Variants in LASP1 observed in about 807,000 individuals in gnomAD.
LASP1 encodes the protein LIM and SH3 protein 1.
A neutral mutation model predicts 38.6 loss-of-function variants in LASP1; 10 were observed. The observed-to-expected ratio is 0.26, with a 90% confidence interval of 0.16 to 0.44. The LOEUF (loss-of-function observed/expected upper bound fraction) is 0.44, where lower values mean the gene tolerates loss of function less well. Among genes scored for constraint, LASP1 ranks in the 20% least tolerant of loss-of-function variants. The probability of loss-of-function intolerance (pLI) is 1.00; values close to 1 mark genes in which losing one functional copy is unlikely to be tolerated. For synonymous variants in LASP1, 132 were observed against 140.8 expected, an observed-to-expected ratio of 0.94 and a Z score of 0.44; for missense variants, 243 against 375.7, an observed-to-expected ratio of 0.65 and a Z score of 2.92.
chr17:38,895,203 G>A (rs1198153744), intron 3 of LASP1, among the ~76,000 whole-genome samples: 2 of 150,418 alleles, frequency 1.3e-5, no homozygotes, highest in Non-Finnish European at 3.0e-5. Context: ...AAATAGAGAT[G>A]GGGTACTATG....
At position 38,920,259 on chromosome 17, in the gene LASP1, G is replaced by T; in HGVS notation, c.*1481G>T. The T allele has an allele frequency of 2.3e-6, 1 of 435,668 alleles. No individual in the cohort carries two copies. The highest frequency in any genetic ancestry group is 4.0e-5 in the East Asian group (1 of 24,820). The allele number at this position is 435,668 out of a possible 1,614,324, so 27.0% of individuals were successfully genotyped here. A position where few individuals can be genotyped will look rare whatever the true frequency, so the allele number is the denominator to read the frequency against. On this transcript the variant is annotated 3_prime_UTR_variant, in exon 7 of 7. Coordinates refer to ENST00000318008, the MANE Select transcript of LASP1 (RefSeq NM_006148.4). ...GGCTACAGAATAGGGTGGCAGAAGT[G>T]TCACCCTGTGGGTGTCTCCCTCGGG...
At chr17:38,901,061 A>G (rs373263215) in intron 4 of LASP1, among the ~76,000 whole-genome samples, 1 of 152,208 alleles carries the variant, frequency 6.6e-6, no homozygotes, top group Non-Finnish European at 1.5e-5. Flanking sequence ...GCGGCTTTTC[A>G]TGTAGAGGCT....
At chr17:38,897,364 G>A (rs1914517850) in intron 3 of LASP1, among the ~76,000 whole-genome samples, 1 of 152,240 alleles carries the variant, frequency 6.6e-6, no homozygotes, top group Non-Finnish European at 1.5e-5. Context: ...GGAACTGCCT[G>A]GGTTTGTGTC....
In LASP1 at chr17:38,890,343, GGCATGCTCTGTGAGAA is replaced by G. The variant is rs1914272392; in HGVS notation, c.165-74_165-59del. ...AAGCATAGGACGAAGTTCCCAGGAG[GGCATGCTCTGTGAGAA>G]GCCCAGAGGCTCCTGCCCCTCCCCC... is the stretch of plus-strand genomic sequence containing the variant. On this transcript the variant is annotated intron_variant, in intron 2 of 6. Coordinates refer to ENST00000318008, the MANE Select transcript of LASP1 (RefSeq NM_006148.4). The G allele has an allele frequency of 1.7e-5, 23 of 1,367,056 alleles. No individual in the cohort carries two copies. The South Asian group carries it at 2.7e-4, about 16-fold the overall frequency. 84.7% of individuals were successfully genotyped at this position (1,367,056 alleles called of 1,614,324 possible). A position where few individuals can be genotyped will look rare whatever the true frequency, so the allele number is the denominator to read the frequency against.
rs554196398 is a variant in LASP1 at position 38,913,983 on chromosome 17, C to G, written c.358-342C>G. Among the ~76,000 whole-genome samples the G allele has an allele frequency of 2.0e-5, 3 of 147,406 alleles. No homozygotes were observed. The Admixed American group carries it at 2.1e-4, about 10-fold the overall frequency. ...TACCATTGCACTCCAGCCTGGGCGA[C>G]AGAGCCAAACTCCGTCTCGAAAAAA... On this transcript the variant is annotated intron_variant, in intron 4 of 6. Transcript: ENST00000318008.
rs373484019 is a variant in LASP1, at chr17:38,904,627, C to A, written c.357+6108C>A. On this transcript the variant is annotated intron_variant, in intron 4 of 6. Transcript: ENST00000318008. ...AAAAAAAAAAGGAAAAAAGAGAGTA[C>A]TGGATACATTTAGCTACAGAAATGG... is the stretch of plus-strand genomic sequence containing the variant. The A allele has an allele frequency of 2.6e-5, 4 of 151,760 alleles. No individual in the cohort carries two copies. The East Asian group carries it at 5.8e-4, about 22-fold the overall frequency. The allele number at this position is 151,760 out of a possible 1,614,324, so 9.4% of individuals were successfully genotyped here.
chr17:38,897,726 C>T (rs1567700394), intron 3 of LASP1, among the ~76,000 whole-genome samples: 1 of 152,200 alleles, frequency 6.6e-6, no homozygotes, highest in Non-Finnish European at 1.5e-5. Context: ...GCGGTGGCCT[C>T]TGAAGCCATC....
rs148218154 is a variant in LASP1, at chr17:38,886,517, C to T, written c.165-3903C>T. Among the ~76,000 whole-genome samples the T allele has an allele frequency of 1.2e-3, 190 of 152,248 alleles. 4 individuals are homozygous for T. Among genetic ancestry groups the T allele is most frequent in the East Asian group, 8.7e-3 (45 of 5,184 alleles). On this transcript the variant is annotated intron_variant, in intron 2 of 6. Transcript: ENST00000318008. Reference sequence around the variant, plus strand: ...AGCTGAGCTCACATCTGGGCTGGCTCACCCCCACTTCCCTTCTGATGGGAT... The same window carrying T: ...AGCTGAGCTCACATCTGGGCTGGCTTACCCCCACTTCCCTTCTGATGGGAT...
intron 2 of LASP1, among the ~76,000 whole-genome samples, chr17:38,879,577 T>TTC (rs1913881867): frequency 6.6e-6 from 1 of 151,644 alleles, no homozygotes; most frequent in Non-Finnish European, 1.5e-5. Context: ...TTTTTTTTTT[T>TTC]TCTCTTAATT....
chr17:38,914,870 G>C, intron 5 of LASP1, 173 bp from the exon 6 acceptor site: 1 of 643,512 alleles, frequency 1.6e-6, no homozygotes, highest in East Asian at 2.7e-5. Flanking sequence ...GAGCCCCTGC[G>C]TGGGATACAA....
rs59311696 is a variant in LASP1 at position 38,899,482 on chromosome 17, C to A, written c.357+963C>A. 4.2e-3 allele frequency among the ~76,000 whole-genome samples: 635 copies of A among 152,272 alleles called. 6 individuals carry two copies. The highest frequency in any genetic ancestry group is 0.014 in the African/African-American group (601 of 41,554). ...CTTCCTACCCTCCACCTGGCCACCT[C>A]AGCAGGGCGCTCCTTTAAGAGCTTG... is the stretch of plus-strand genomic sequence containing the variant. On this transcript the variant is annotated intron_variant, in intron 4 of 6. Transcript: ENST00000318008.
At chr17:38,907,706 C>G (rs1381071192) in intron 4 of LASP1, among the ~76,000 whole-genome samples, 1 of 152,190 alleles carries the variant, frequency 6.6e-6, no homozygotes, top group Non-Finnish European at 1.5e-5. Context: ...CAGGCAGCTA[C>G]TCCTCCAGCC....
intron 4 of LASP1, among the ~76,000 whole-genome samples, chr17:38,900,197 CAAAAAAAAAA>C (rs56008544): frequency 4.4e-5 from 3 of 67,572 alleles, no homozygotes; most frequent in African/African-American, 1.4e-4. Flanking sequence ...ACTGTTTCTA[CAAAAAAAAAA>C]AAAAAAAAAA....
rs749874153 is a variant in LASP1 at position 38,914,375 on chromosome 17, C to G, written c.408C>G (p.Gly136=). The change falls in exon 5 of 7, where the codon GGC becomes GGG. Residue 136 remains glycine (G), a synonymous_variant. Coordinates refer to ENST00000318008, the MANE Select transcript of LASP1 (RefSeq NM_006148.4). ...AGAGCCGCATGGGCCCTAGCGGGGGCGAGGGCATGGAGCCAGAGCGTCGGG... is the reference window on the plus strand; with the variant it reads ...AGAGCCGCATGGGCCCTAGCGGGGGGGAGGGCATGGAGCCAGAGCGTCGGG... The part of the protein sequence containing the change: ...FEKSRMGPSG[G]EGMEPERRDS... The G allele has an allele frequency of 1.9e-6, 3 of 1,612,140 alleles. No individual in the cohort carries two copies. The highest frequency in any genetic ancestry group is 1.7e-6 in the Non-Finnish European group (2 of 1,179,904).
At chr17:38,888,928 T>C (rs995374985) in intron 2 of LASP1, among the ~76,000 whole-genome samples, 1 of 152,192 alleles carries the variant, frequency 6.6e-6, no homozygotes, top group Non-Finnish European at 1.5e-5. Context: ...AAGTTCAGCA[T>C]GAACTGAAGA....
intron 4 of LASP1, among the ~76,000 whole-genome samples, chr17:38,901,751 C>T (rs1040336551): frequency 2.6e-5 from 4 of 152,056 alleles, no homozygotes; most frequent in Non-Finnish European, 4.4e-5. Flanking sequence ...CCTCAGAACC[C>T]CAGGGGAGCT....
rs139713204 is a variant in LASP1, at chr17:38,885,276, G to A, written c.165-5144G>A. On this transcript the variant is annotated intron_variant, in intron 2 of 6. Coordinates refer to ENST00000318008, the MANE Select transcript of LASP1 (RefSeq NM_006148.4). ...ACCTCAGTTTCTTCATCTGTAAAAC[G>A]GCACAATGAGAATGCCAGCCTAAAG... is the stretch of plus-strand genomic sequence containing the variant. 1.0e-3 allele frequency among the ~76,000 whole-genome samples: 152 copies of A among 152,242 alleles called. 1 individual carries two copies. In the East Asian group the frequency reaches 0.019, roughly 19 times the overall value.
Position 38,918,826 on chromosome 17 carries a change from C to A in LASP1, c.*48C>A. On this transcript the variant is annotated 3_prime_UTR_variant, in exon 7 of 7. Transcript: ENST00000318008. The surrounding 1 kb of genome is among the most constrained non-coding windows in gnomAD (Gnocchi z 4.4). ...TTCAGCACATTCCACGGCATCGCAT[C>A]CGTCCTGGGCGTGACCCGTCCATTC... The A allele has an allele frequency of 6.3e-7, 1 of 1,596,932 alleles. No individual in the cohort carries two copies. The highest frequency in any genetic ancestry group is 8.6e-7 in the Non-Finnish European group (1 of 1,169,240).
chr17:38,886,438 T>A (rs959816581), intron 2 of LASP1, among the ~76,000 whole-genome samples: 1 of 152,086 alleles, frequency 6.6e-6, no homozygotes, highest in Non-Finnish European at 1.5e-5. Context: ...AGTGCCTCTT[T>A]AATCTAGTTA....
Sources: gnomAD v4.1 joint callset for allele counts (sites outside exome capture counted in the v4.1 genomes callset) on GRCh38, gnomAD v4.1.1 for gene constraint, Gnocchi (gnomAD v3.1) non-coding constraint, MANE v1.5 for transcripts, NCBI Gene and HGNC (gene_info 2026-07-23, HGNC 2026-07-21) for gene names.